Variants in CROCC2 observed in about 807,000 individuals in gnomAD.
CROCC2 encodes ciliary rootlet coiled-coil protein 2.
In CROCC2, 163 loss-of-function variants were observed where a neutral mutation model predicts 177.6. The ratio of observed to expected loss-of-function variants is 0.92; its 90% CI spans 0.81 to 1.05. The LOEUF is 1.05. Ranked by LOEUF, CROCC2 falls within the 50% of genes least tolerant of loss-of-function variation. CROCC2 has a pLI of 0.00. For missense variants in CROCC2, 1,929 were observed against 1,797.8 expected (o/e 1.07, Z -1.32); for synonymous variants, 904 against 787.3 (o/e 1.15, Z -2.48).
intron 28 of CROCC2, chr2:240,983,681 C>T (rs1358238925): frequency 1.6e-6 from 2 of 1,214,476 alleles, no homozygotes; most frequent in South Asian, 1.3e-5. Flanking sequence ...CTTCTGTGTC[C>T]TCACCTGCCG....
Position 240,930,967 on chromosome 2 carries a change from A to T in CROCC2, c.786A>T (p.Thr262=), listed in dbSNP as rs1424486816. Residue 262 remains threonine, a synonymous_variant, in exon 7 of 32, where the codon ACA becomes ACT. Coordinates refer to ENST00000690015, the MANE Select transcript of CROCC2 (RefSeq NM_001351305.2). ...ACCTGCAGGCAGACACGGCCAGGAC[A>T]GCCCGCCGCCTGCACACCGCCTGCC... is the stretch of plus-strand genomic sequence containing the variant. ...LADLQADTAR[T]ARRLHTACLN... 1.4e-6 allele frequency: 1 copy of T among 714,918 alleles called. No individual in the cohort carries two copies. Among genetic ancestry groups the T allele is most frequent in the Non-Finnish European group, 2.6e-6 (1 of 384,566 alleles). 44.3% of individuals were successfully genotyped at this position (714,918 alleles called of 1,614,324 possible).
At chr2:240,907,033 C>T (rs2059259332) in intron 1 of CROCC2, among the ~76,000 whole-genome samples, 1 of 152,050 alleles carries the variant, frequency 6.6e-6, no homozygotes, top group Non-Finnish European at 1.5e-5. Flanking sequence ...TCCCTGGCAG[C>T]CACGGGTTTG....
At chr2:240,915,996 C>T (rs1009776717) in intron 1 of CROCC2, among the ~76,000 whole-genome samples, 1 of 152,196 alleles carries the variant, frequency 6.6e-6, no homozygotes, top group East Asian at 1.9e-4. Flanking sequence ...CCCGCAGAGG[C>T]CCCGGGCGGG....
At chr2:240,983,695 G>A (rs1023563454) in intron 28 of CROCC2, 3 of 1,156,294 alleles carry the variant, frequency 2.6e-6, no homozygotes, top group African/African-American at 3.3e-5. Flanking sequence ...CCTGCCGGCG[G>A]GGTGGCACTA....
intron 1 of CROCC2, among the ~76,000 whole-genome samples, chr2:240,910,299 G>A (rs2059279200): frequency 1.4e-5 from 2 of 144,988 alleles, no homozygotes; most frequent in Non-Finnish European, 3.1e-5. Context: ...TGATGGAGAA[G>A]CATGGCGCAG....
intron 5 of CROCC2, 43 bp downstream of exon 5, chr2:240,925,923 T>A (rs1000116147): frequency 1.0e-5 from 7 of 673,058 alleles, no homozygotes; most frequent in African/African-American, 1.8e-5. Context: ...GCCGCCTGTC[T>A]GGGTGCCTAT....
intron 3 of CROCC2, among the ~76,000 whole-genome samples, chr2:240,921,578 C>T (rs747612738): frequency 3.3e-5 from 5 of 152,232 alleles, no homozygotes; most frequent in Non-Finnish European, 7.3e-5. Flanking sequence ...GCCCAGTGCA[C>T]GCCAGCTCCC....
At position 240,935,392 on chromosome 2, in the gene CROCC2, G is replaced by A. The variant is rs73107807; in HGVS notation, c.1973G>A (p.Arg658Gln). 7,243 of 1,368,564 alleles carry A rather than the reference G, an allele frequency of 5.3e-3. 270 individuals are homozygous for A. The African/African-American group carries it at 0.091, about 17-fold the overall frequency. The allele number at this position is 1,368,564 out of a possible 1,614,324, so 84.8% of individuals were successfully genotyped here. A position where few individuals can be genotyped will look rare whatever the true frequency, so the allele number is the denominator to read the frequency against. The change falls in exon 14 of 32, where the codon CGG becomes CAG. Residue 658 changes from arginine to glutamine, a missense_variant. Physicochemically the swap from Arg to Gln is conservative, Grantham distance 43. Transcript: ENST00000690015. ...EQERDQLREQ[R>Q]KTLEQERARA... ...GAGCGGGACCAGCTGCGGGAACAGC[G>A]GAAGACTCTGGAGCAGGAACGGGCC...
rs1252965199 is a variant in CROCC2, at chr2:240,964,595, C to T, written c.3435C>T (p.Ala1145=). The part of the protein sequence containing the change: ...LWELEQAGGD[A]RQELRELHRQ... Reference sequence around the variant, plus strand: ...AGCTGGAGCAGGCAGGGGGGGACGCCCGTCAGGAGCTCCGGGAACTCCACA... The same window carrying T: ...AGCTGGAGCAGGCAGGGGGGGACGCTCGTCAGGAGCTCCGGGAACTCCACA... Residue 1145 remains alanine, a synonymous_variant, in exon 22 of 32, where the codon GCC becomes GCT. Transcript: ENST00000690015. 3 of 1,549,288 alleles carry T rather than the reference C, an allele frequency of 1.9e-6. No individual in the cohort carries two copies. The East Asian group carries it at 7.3e-5, about 38-fold the overall frequency.
In CROCC2 at chr2:240,991,239, G is replaced by A. The variant is rs768267768; in HGVS notation, c.4907G>A (p.Arg1636Gln). The change falls in exon 31 of 32, where the codon CGG becomes CAG. Residue 1636 changes from arginine (R) to glutamine (Q), a missense_variant. Arg to Gln is a conservative substitution (Grantham distance 43). Coordinates refer to ENST00000690015, the MANE Select transcript of CROCC2 (RefSeq NM_001351305.2). Reference protein sequence around the residue: ...KEQLDQEVQWRQQAHLGQAFQ... With the variant: ...KEQLDQEVQWQQQAHLGQAFQ... The stretch of plus-strand genomic sequence containing the variant: ...CAACTGGACCAGGAAGTGCAGTGGC[G>A]GCAACAGGCCCACCTCGGCCAGGCC... 2.8e-5 allele frequency: 43 copies of A among 1,547,232 alleles called. 1 individual carries two copies. Among genetic ancestry groups the A allele is most frequent in the East Asian group, 1.7e-4 (7 of 40,730 alleles).
chr2:240,951,539 T>C (rs1264852096), intron 18 of CROCC2, among the ~76,000 whole-genome samples: 1 of 152,218 alleles, frequency 6.6e-6, no homozygotes, highest in Non-Finnish European at 1.5e-5. Context: ...CACCCAGATA[T>C]ATGGCCATGC....
intron 27 of CROCC2, among the ~76,000 whole-genome samples, chr2:240,975,680 C>T (rs2059755738): frequency 6.6e-6 from 1 of 151,346 alleles, no homozygotes; most frequent in Admixed American, 6.6e-5. Context: ...GTAACAGCTT[C>T]CCTGGGGGCA....
At chr2:240,985,705 C>A (rs1291803214) in intron 28 of CROCC2, among the ~76,000 whole-genome samples, 1 of 28,026 alleles carries the variant, frequency 3.6e-5, no homozygotes, top group Non-Finnish European at 5.5e-5. Flanking sequence ...GGCACTCACT[C>A]CACACACACA....
At chr2:240,934,221 T>C in intron 11 of CROCC2, 110 bp from the exon 12 acceptor site, 2 of 1,236,140 alleles carry the variant, frequency 1.6e-6, no homozygotes, top group Non-Finnish European at 1.1e-6. Flanking sequence ...ATGCTCCTCC[T>C]GGGCCTCCCT....
At chr2:240,914,198 C>T (rs1407968024) in intron 1 of CROCC2, among the ~76,000 whole-genome samples, 2 of 152,188 alleles carry the variant, frequency 1.3e-5, no homozygotes, top group Non-Finnish European at 2.9e-5. Context: ...AGTGACCACC[C>T]TTGTGCGCGA....
At chr2:240,929,511 C>T (rs1236948188) in intron 5 of CROCC2, among the ~76,000 whole-genome samples, 1 of 151,776 alleles carries the variant, frequency 6.6e-6, no homozygotes, top group Non-Finnish European at 1.5e-5. Flanking sequence ...CATTCCTGCC[C>T]CCACACAGAG....
At chr2:240,933,953 C>A in intron 11 of CROCC2, 101 bp downstream of exon 11, 1 of 1,277,286 alleles carries the variant, frequency 7.8e-7, no homozygotes, top group Non-Finnish European at 1.1e-6. Context: ...TGCTTTTTCA[C>A]CTGTCTCATC....
At chr2:240,940,948 C>T (rs1026833324) in intron 14 of CROCC2, among the ~76,000 whole-genome samples, 27 of 152,062 alleles carry the variant, frequency 1.8e-4, no homozygotes, top group Non-Finnish European at 1.5e-5. Flanking sequence ...CTAAAGACTC[C>T]TCCCAAAACC....
At position 240,906,463 on chromosome 2, in the gene CROCC2, T is replaced by A. The variant is rs879202806; in HGVS notation, c.-51T>A. 2.5e-6 allele frequency: 1 copy of A among 398,852 alleles called. No homozygotes were observed. The highest frequency in any genetic ancestry group is 4.4e-6 in the Non-Finnish European group (1 of 226,054). 24.7% of individuals were successfully genotyped at this position (398,852 alleles called of 1,614,324 possible). On this transcript the variant is annotated 5_prime_UTR_variant, in exon 1 of 32. Transcript: ENST00000690015. ...AGACCCTGGCCAGTTGGAGGAGAAC[T>A]GCCAGGTAGCAAAGCCCAGACTTCT...
Sources: allele counts gnomAD v4.1 joint callset (sites outside exome capture counted in the v4.1 genomes callset), GRCh38; gene constraint gnomAD v4.1.1; transcripts MANE v1.5; gene names NCBI Gene and HGNC (gene_info 2026-07-23, HGNC 2026-07-21).